The following PDE6C variants were observed in gnomAD, a reference collection of about 807,000 sequenced individuals.
The protein encoded by PDE6C is cone cGMP-specific 3',5'-cyclic phosphodiesterase subunit alpha'.
Under a neutral mutation model 113.1 loss-of-function variants are expected in PDE6C, and 75 were observed. The observed-to-expected ratio is 0.66, with a 90% confidence interval of 0.55 to 0.80. PDE6C has a LOEUF of 0.80. Ranked by LOEUF, PDE6C falls within the 30% of genes least tolerant of loss-of-function variation. PDE6C has a pLI of 0.00. For synonymous variants in PDE6C, 375 were observed against 363.7 expected, an observed-to-expected ratio of 1.03 and a Z score of -0.35; for missense variants, 912 against 1,038.6, an observed-to-expected ratio of 0.88 and a Z score of 1.67.
chr10:93,643,621 G>T (rs2058569705), intron 14 of PDE6C, among the ~76,000 whole-genome samples: 1 of 151,790 alleles, frequency 6.6e-6, no homozygotes, highest in Non-Finnish European at 1.5e-5. Flanking sequence ...GAACTCCTGG[G>T]CTCAAGCAAT....
chr10:93,658,923 A>C lies in PDE6C; in HGVS notation c.2059A>C (p.Ile687Leu). The C allele has an allele frequency of 6.2e-7, 1 of 1,611,452 alleles. No homozygotes were observed. Among genetic ancestry groups the C allele is most frequent in the African/African-American group, 1.3e-5 (1 of 74,978 alleles). The stretch of plus-strand genomic sequence containing the variant: ...TAGGAAGAGGACCATGTTTCAAAAA[A>C]TTGTTGATGCCTGTGAACAAATGCA... ...YFKKRTMFQK[I>L]VDACEQMQTE... The change falls in exon 17 of 22, where the codon ATT (isoleucine) becomes CTT (leucine). Residue 687 changes from isoleucine (I) to leucine (L), a missense_variant. Coordinates refer to ENST00000371447, the MANE Select transcript of PDE6C (RefSeq NM_006204.4).
chr10:93,629,424 G>A (rs574853551), intron 8 of PDE6C, 119 bp downstream of exon 8: 15 of 798,888 alleles, frequency 1.9e-5, no homozygotes, highest in African/African-American at 3.4e-5. Context: ...AGGCACACAC[G>A]GGTCCATCTC....
At chr10:93,644,724 G>T (rs2058574719) in intron 14 of PDE6C, among the ~76,000 whole-genome samples, 1 of 148,480 alleles carries the variant, frequency 6.7e-6, no homozygotes, top group Admixed American at 6.8e-5. Flanking sequence ...ACCCTTCCTG[G>T]CCTCTGATAA....
intron 11 of PDE6C, among the ~76,000 whole-genome samples, chr10:93,637,619 T>C (rs1268455659): frequency 6.6e-6 from 1 of 152,246 alleles, no homozygotes; most frequent in African/African-American, 2.4e-5. Flanking sequence ...ATTTCAGAGA[T>C]TTTTTTCAGT....
intron 15 of PDE6C, among the ~76,000 whole-genome samples, chr10:93,652,321 A>T (rs1045156277): frequency 2.6e-5 from 4 of 152,180 alleles, no homozygotes; most frequent in African/African-American, 9.7e-5. Flanking sequence ...ACAACTTAAT[A>T]AGTCAATTAG....
chr10:93,637,402 C>T (rs746669173), intron 11 of PDE6C, among the ~76,000 whole-genome samples: 10 of 152,146 alleles, frequency 6.6e-5, no homozygotes, highest in Non-Finnish European at 1.3e-4. Context: ...GAGAACATGA[C>T]AGAGTTAGCG....
intron 18 of PDE6C, among the ~76,000 whole-genome samples, chr10:93,659,851 T>C (rs146051754): frequency 6.6e-5 from 10 of 152,286 alleles, no homozygotes; most frequent in Admixed American, 1.3e-4. Flanking sequence ...GTTAGTGTTT[T>C]CCTCTATCAA....
chr10:93,629,908 G>A (rs1204966002), intron 8 of PDE6C, among the ~76,000 whole-genome samples: 1 of 152,014 alleles, frequency 6.6e-6, no homozygotes, highest in Non-Finnish European at 1.5e-5. Context: ...ACAGGCCATG[G>A]GCCAGTACTG....
rs369312766 is a variant in PDE6C at position 93,662,175 on chromosome 10, T to C, written c.2283+42T>C. ...AAAATGTATTACTTATTAAAAGTTA[T>C]CAGGACAGGCCGGGCGCGGTGGCTC... On this transcript the variant is annotated intron_variant, in intron 19 of 21. Transcript: ENST00000371447. The C allele has an allele frequency of 8.5e-4, 1,140 of 1,347,912 alleles. 15 individuals carry two copies. The South Asian group carries it at 9.7e-3, about 11-fold the overall frequency. The allele number at this position is 1,347,912 out of a possible 1,614,324, so 83.5% of individuals were successfully genotyped here. A position where few individuals can be genotyped will look rare whatever the true frequency, so the allele number is the denominator to read the frequency against.
chr10:93,633,425 C>T lies in PDE6C; in HGVS notation c.1120-1333C>T, dbSNP rs75870366. Among the ~76,000 whole-genome samples the T allele has an allele frequency of 6.0e-3, 831 of 139,514 alleles. 6 individuals carry two copies. The highest frequency in any genetic ancestry group is 0.02 in the African/African-American group (772 of 38,668). 91.5% of individuals were successfully genotyped at this position (139,514 alleles called of 152,430 possible). On this transcript the variant is annotated intron_variant, in intron 8 of 21. Transcript: ENST00000371447. ...AGGTTGCAGTGAGCCAAGATTGTGC[C>T]GTTGTACTCCAGCCTGGGTGACACA...
chr10:93,628,287 T>C (rs1279981641), intron 7 of PDE6C, among the ~76,000 whole-genome samples: 1 of 152,168 alleles, frequency 6.6e-6, no homozygotes, highest in East Asian at 1.9e-4. Context: ...CCCTTCTGGC[T>C]TTAAAATGCT....
At chr10:93,619,970 T>A (rs1397385656) in intron 1 of PDE6C, among the ~76,000 whole-genome samples, 2 of 152,132 alleles carry the variant, frequency 1.3e-5, no homozygotes, top group Non-Finnish European at 2.9e-5. Context: ...TGAGTTCACA[T>A]CCATATGCAT....
intron 15 of PDE6C, among the ~76,000 whole-genome samples, chr10:93,654,593 C>G (rs186189063): frequency 3.4e-4 from 51 of 152,106 alleles, no homozygotes; most frequent in Admixed American, 1.5e-3. Context: ...GTTTGATAGA[C>G]TATCTCCTCT....
intron 16 of PDE6C, among the ~76,000 whole-genome samples, chr10:93,657,655 A>T (rs1264027396): frequency 1.3e-5 from 2 of 152,156 alleles, no homozygotes; most frequent in African/African-American, 2.4e-5. Context: ...GAATATTCAT[A>T]ATTAATTTAC....
At chr10:93,658,021 TTAGCCAGGCATGCTG>T (rs1554891842) in intron 16 of PDE6C, among the ~76,000 whole-genome samples, 16 of 151,064 alleles carry the variant, frequency 1.1e-4, no homozygotes, top group Non-Finnish European at 2.4e-4. Context: ...AATTAAAAAA[TTAGCCAGGCATGCTG>T]GAGCATGCCT....
chr10:93,624,472 A>G (rs2058462921), intron 4 of PDE6C, among the ~76,000 whole-genome samples: 2 of 152,178 alleles, frequency 1.3e-5, no homozygotes, highest in African/African-American at 2.4e-5. Flanking sequence ...TCCTGTCCTC[A>G]AGTGATCCGC....
chr10:93,620,762 A>T lies in PDE6C; in HGVS notation c.611A>T (p.Glu204Val). The T allele has an allele frequency of 6.2e-7, 1 of 1,614,154 alleles. No individual in the cohort carries two copies. The highest frequency in any genetic ancestry group is 1.7e-5 in the Admixed American group (1 of 60,022). The change falls in exon 2 of 22, where the codon GAA becomes GTA. Residue 204 changes from glutamate (E) to valine (V), a missense_variant. Glu to Val is a moderately radical substitution (Grantham distance 121, BLOSUM62 -2). Transcript: ENST00000371447. ...IMAVNKVNASEFSKQDEEVFS... is the reference protein window; with the variant it reads ...IMAVNKVNASVFSKQDEEVFS... The stretch of plus-strand genomic sequence containing the variant: ...GCAGTTAACAAAGTAAATGCATCTG[A>T]ATTTTCCAAACAGGATGAAGAGGTA...
intron 1 of PDE6C, among the ~76,000 whole-genome samples, chr10:93,620,034 A>C (rs2134593415): frequency 6.6e-6 from 1 of 152,270 alleles, no homozygotes; most frequent in South Asian, 2.1e-4. Context: ...TATTATAAGC[A>C]ATTAGAAAAG....
chr10:93,644,006 C>G (rs1000832050), intron 14 of PDE6C, among the ~76,000 whole-genome samples: 2 of 152,108 alleles, frequency 1.3e-5, no homozygotes, highest in Non-Finnish European at 2.9e-5. Context: ...AGTAGTTGCT[C>G]AACCTTTTTG....
Sources: allele counts gnomAD v4.1 joint callset (sites outside exome capture counted in the v4.1 genomes callset), GRCh38; gene constraint gnomAD v4.1.1; transcripts MANE v1.5; gene names NCBI Gene and HGNC (gene_info 2026-07-23, HGNC 2026-07-21).